Variants in EML4 observed in about 807,000 individuals in gnomAD.
EML4 encodes the protein echinoderm microtubule-associated protein-like 4.
Under a neutral mutation model 129.0 loss-of-function variants are expected in EML4, and 72 were observed. The ratio of observed to expected loss-of-function variants is 0.56; its 90% CI spans 0.46 to 0.68. EML4 has a LOEUF of 0.68. Ranked by LOEUF, EML4 falls within the 30% of genes least tolerant of loss-of-function variation. The pLI is 0.00. For synonymous variants in EML4, 532 were observed against 405.0 expected (o/e 1.31, Z -3.77); for missense variants, 1,363 against 1,190.6 (o/e 1.14, Z -2.13).
At chr2:42,182,023 T>C (rs929468806) in intron 1 of EML4, among the ~76,000 whole-genome samples, 2 of 152,164 alleles carry the variant, frequency 1.3e-5, no homozygotes, top group Admixed American at 6.5e-5. Context: ...CTTTTACATA[T>C]AGTTACTTCC....
chr2:42,310,820 C>T (rs1030444614), intron 17 of EML4, among the ~76,000 whole-genome samples: 2 of 152,154 alleles, frequency 1.3e-5, no homozygotes, highest in African/African-American at 4.8e-5. Flanking sequence ...TGTAGAAAAT[C>T]CCCTTGGCTA....
chr2:42,244,877 G>C lies in EML4; in HGVS notation c.26-628G>C, dbSNP rs1450858479. On this transcript the variant is annotated intron_variant, in intron 1 of 22. Transcript: ENST00000318522. The stretch of plus-strand genomic sequence containing the variant: ...CTTGGAAGTTTCCTGATGTCTACAA[G>C]ATGATGTATTTAGGGAGCCTTTTCG... Among the ~76,000 whole-genome samples, 4 of 152,174 alleles carry C rather than the reference G, an allele frequency of 2.6e-5. No individual in the cohort carries two copies. The East Asian group carries it at 7.7e-4, about 29-fold the overall frequency.
chr2:42,174,149 T>TA (rs1319323483), intron 1 of EML4, among the ~76,000 whole-genome samples: 1 of 152,234 alleles, frequency 6.6e-6, no homozygotes, highest in Non-Finnish European at 1.5e-5. Context: ...CTGTAACATG[T>TA]AAAACTTCAA....
At chr2:42,174,450 C>T (rs1402104894) in intron 1 of EML4, among the ~76,000 whole-genome samples, 1 of 152,034 alleles carries the variant, frequency 6.6e-6, no homozygotes, top group Admixed American at 6.6e-5. Context: ...ACCACCACAC[C>T]TGGCTAATTT....
At chr2:42,308,127 A>AT (rs1668720910) in intron 17 of EML4, among the ~76,000 whole-genome samples, 1 of 152,254 alleles carries the variant, frequency 6.6e-6, no homozygotes, top group Non-Finnish European at 1.5e-5. Flanking sequence ...TACAATTATC[A>AT]TTTTAAAATA....
At chr2:42,314,473 C>T (rs1159348531) in intron 17 of EML4, among the ~76,000 whole-genome samples, 2 of 152,154 alleles carry the variant, frequency 1.3e-5, no homozygotes, top group African/African-American at 4.8e-5. Flanking sequence ...GTCATCTACT[C>T]AGGTAAGAGA....
At chr2:42,261,522 T>A (rs1202191272) in intron 4 of EML4, 4 of 348,698 alleles carry the variant, frequency 1.1e-5, no homozygotes, top group Non-Finnish European at 2.0e-5. Context: ...AAAACTAAGT[T>A]ATAAACAATC....
chr2:42,237,062 C>T (rs536418904), intron 1 of EML4, among the ~76,000 whole-genome samples: 1 of 152,148 alleles, frequency 6.6e-6, no homozygotes, highest in Non-Finnish European at 1.5e-5. Context: ...CCTCAGCCTC[C>T]TAAGTAGCTG....
At chr2:42,187,564 G>C (rs1671333934) in intron 1 of EML4, among the ~76,000 whole-genome samples, 2 of 152,110 alleles carry the variant, frequency 1.3e-5, no homozygotes, top group Admixed American at 1.3e-4. Flanking sequence ...AGTTTTGGCT[G>C]TTACGAATAA....
intron 13 of EML4, among the ~76,000 whole-genome samples, chr2:42,299,050 G>C (rs572049822): frequency 2.0e-5 from 3 of 152,272 alleles, no homozygotes. Flanking sequence ...ACCTATGCCA[G>C]TGAACACAGT....
chr2:42,282,415 C>G (rs1040401069), intron 7 of EML4, among the ~76,000 whole-genome samples: 3 of 151,786 alleles, frequency 2.0e-5, no homozygotes, highest in African/African-American at 7.3e-5. Context: ...TGGGCGGCAA[C>G]AGGGTCTCTG....
intron 1 of EML4, among the ~76,000 whole-genome samples, chr2:42,228,175 T>G (rs1193725764): frequency 1.3e-5 from 2 of 151,572 alleles, no homozygotes; most frequent in Non-Finnish European, 2.9e-5. Context: ...GAGCCAAGAT[T>G]ATGCCACTGC....
At chr2:42,301,179 A>G (rs895230521) in intron 13 of EML4, 62 bp from the exon 14 acceptor site, 25 of 1,454,534 alleles carry the variant, frequency 1.7e-5, no homozygotes, top group Non-Finnish European at 2.4e-5. Context: ...TTTCTTCCAA[A>G]TAGACACTAA....
intron 1 of EML4, among the ~76,000 whole-genome samples, chr2:42,237,176 C>T (rs1263591413): frequency 6.6e-6 from 1 of 152,072 alleles, no homozygotes; most frequent in Non-Finnish European, 1.5e-5. Context: ...CTCAAGCAGT[C>T]CTCCTCCCTC....
chr2:42,245,462 G>A, intron 1 of EML4, 43 bp from the exon 2 acceptor site: 5 of 1,484,922 alleles, frequency 3.4e-6, no homozygotes, highest in Non-Finnish European at 3.7e-6. Flanking sequence ...TACTTCTCAA[G>A]CAGTTTACTT....
chr2:42,242,655 C>A (rs1251294818), intron 1 of EML4, among the ~76,000 whole-genome samples: 1 of 151,850 alleles, frequency 6.6e-6, no homozygotes, highest in Non-Finnish European at 1.5e-5. Context: ...TCCTTCCTCC[C>A]TCCCTCTCTC....
intron 1 of EML4, among the ~76,000 whole-genome samples, chr2:42,174,634 T>C (rs988942654): frequency 2.0e-5 from 3 of 152,136 alleles, no homozygotes; most frequent in African/African-American, 7.2e-5. Flanking sequence ...TCTTGTCCTT[T>C]AGCTGTCTTA....
intron 1 of EML4, among the ~76,000 whole-genome samples, chr2:42,222,798 TTTG>T (rs1224723667): frequency 1.3e-5 from 2 of 151,786 alleles, no homozygotes; most frequent in East Asian, 3.9e-4. Context: ...TTTGTTTTGT[TTTG>T]TTTTGTTTTG....
chr2:42,202,994 C>G (rs886875374), intron 1 of EML4, among the ~76,000 whole-genome samples: 12 of 152,142 alleles, frequency 7.9e-5, no homozygotes, highest in African/African-American at 2.9e-4. Flanking sequence ...TACCAGTGTA[C>G]TCCAGCCTGG....
Sources: allele counts gnomAD v4.1 joint callset (sites outside exome capture counted in the v4.1 genomes callset), GRCh38; gene constraint gnomAD v4.1.1; transcripts MANE v1.5; gene names NCBI Gene and HGNC (gene_info 2026-07-23, HGNC 2026-07-21).